Variants in CD46 observed in about 807,000 individuals in gnomAD.
The protein encoded by CD46 is membrane cofactor protein.
A neutral mutation model predicts 53.3 loss-of-function variants in CD46; 30 were observed. The observed-to-expected ratio is 0.56, with a 90% CI of 0.42 to 0.76. The LOEUF is 0.76. CD46 is among the 30% of genes least tolerant of loss of function. The pLI is 0.00. For missense variants in CD46, 409 were observed against 463.0 expected (o/e 0.88, Z 1.07); for synonymous variants, 142 against 152.0 (o/e 0.93, Z 0.48).
chr1:207,781,335 CT>C (rs1437704675), intron 8 of CD46, among the ~76,000 whole-genome samples: 1 of 151,866 alleles, frequency 6.6e-6, no homozygotes, highest in Non-Finnish European at 1.5e-5. Context: ...CTGGATATTA[CT>C]TCCTTATCAA....
At chr1:207,766,173 A>C (rs914268759) in intron 5 of CD46, among the ~76,000 whole-genome samples, 1 of 152,196 alleles carries the variant, frequency 6.6e-6, no homozygotes, top group Non-Finnish European at 1.5e-5. Flanking sequence ...ACAAAAGAGC[A>C]TGAGGAAATT....
chr1:207,787,945 A>G (rs1002456706), intron 11 of CD46, among the ~76,000 whole-genome samples: 14 of 152,094 alleles, frequency 9.2e-5, no homozygotes, highest in Non-Finnish European at 1.3e-4. Context: ...ATTCTGATTC[A>G]TTGGGTTTGG....
chr1:207,757,927 C>T (rs41317055), intron 3 of CD46, among the ~76,000 whole-genome samples: 259 of 152,326 alleles, frequency 1.7e-3, no homozygotes, highest in African/African-American at 6.0e-3. Context: ...AACTGAGTGT[C>T]CCCTATTTAA....
Position 207,767,782 on chromosome 1 carries a change from C to A in CD46, c.860C>A (p.Ser287Ter), listed in dbSNP as rs751860518. 1 of 1,612,436 alleles carries A rather than the reference C, an allele frequency of 6.2e-7. No homozygotes were observed. The highest frequency in any genetic ancestry group is 1.3e-5 in the African/African-American group (1 of 74,864). Residue 287 changes from serine to a stop codon, truncating the protein, a stop_gained, in exon 7 of 13, where the codon TCG becomes TAG. Transcript: ENST00000367042. LOFTEE classifies it high-confidence loss of function. ...ACATTATTATTTTGTTTTCCAGTGT[C>A]GACTTCTTCCACTACAAAATCTCCA... ...DPPVPKCLKVSTSSTTKSPAS... is the reference protein window; with the variant it reads ...DPPVPKCLKV
intron 5 of CD46, among the ~76,000 whole-genome samples, chr1:207,761,859 T>A (rs561633679): frequency 2.0e-4 from 30 of 151,004 alleles, no homozygotes; most frequent in South Asian, 1.3e-3. Flanking sequence ...ATAAAAAAAA[T>A]TTTTTTTTTA....
intron 8 of CD46, among the ~76,000 whole-genome samples, chr1:207,772,456 G>C (rs1057188037): frequency 6.6e-6 from 1 of 152,200 alleles, no homozygotes; most frequent in African/African-American, 2.4e-5. Flanking sequence ...GGAGTGGTGA[G>C]AGAGGGCATC....
At chr1:207,772,930 G>A (rs376598542) in intron 8 of CD46, among the ~76,000 whole-genome samples, 37 of 152,206 alleles carry the variant, frequency 2.4e-4, no homozygotes, top group African/African-American at 7.7e-4. Context: ...GAATTAGGGA[G>A]GATTCCCTCT....
At chr1:207,775,261 A>G (rs528736471) in intron 8 of CD46, among the ~76,000 whole-genome samples, 3 of 152,218 alleles carry the variant, frequency 2.0e-5, no homozygotes, top group African/African-American at 7.2e-5. Context: ...TACACTGTTT[A>G]TTCTAGTTAG....
intron 11 of CD46, among the ~76,000 whole-genome samples, chr1:207,786,244 T>C (rs1659259541): frequency 6.6e-6 from 1 of 152,182 alleles, no homozygotes; most frequent in Non-Finnish European, 1.5e-5. Context: ...GATTTCCCTC[T>C]TATGTTCTCT....
intron 11 of CD46, among the ~76,000 whole-genome samples, chr1:207,786,962 C>T (rs573866366): frequency 6.6e-6 from 1 of 152,310 alleles, no homozygotes; most frequent in South Asian, 2.1e-4. Flanking sequence ...AAGTCGCATT[C>T]TGCTTATTTT....
Position 207,777,912 on chromosome 1 carries a change from A to G in CD46, c.944-5380A>G, listed in dbSNP as rs187835589. Reference sequence around the variant, plus strand: ...TAAATTACACTCCCACGAACAGCATATAAGTGTTCCCTTTTCTCTACAACC... The same window carrying G: ...TAAATTACACTCCCACGAACAGCATGTAAGTGTTCCCTTTTCTCTACAACC... On this transcript the variant is annotated intron_variant, in intron 8 of 12. Transcript: ENST00000367042. Among the ~76,000 whole-genome samples, 111 of 152,308 alleles carry G rather than the reference A, an allele frequency of 7.3e-4. 1 individual carries two copies. The highest frequency in any genetic ancestry group is 1.7e-3 in the South Asian group (8 of 4,830).
At chr1:207,761,495 A>G in intron 5 of CD46, 49 bp downstream of exon 5, 1 of 1,462,628 alleles carries the variant, frequency 6.8e-7, no homozygotes, top group Non-Finnish European at 9.6e-7. Flanking sequence ...CTATGGAAAC[A>G]TTTTGTAAAT....
chr1:207,780,257 A>G (rs1252439052), intron 8 of CD46, among the ~76,000 whole-genome samples: 1 of 152,026 alleles, frequency 6.6e-6, no homozygotes, highest in Non-Finnish European at 1.5e-5. Flanking sequence ...TTATATAATT[A>G]TAATAAGTGG....
At chr1:207,782,060 CAA>C (rs1400406852) in intron 8 of CD46, among the ~76,000 whole-genome samples, 1 of 152,126 alleles carries the variant, frequency 6.6e-6, no homozygotes. Context: ...TCCATAAACA[CAA>C]GTGTCTTTCC....
At chr1:207,760,371 C>T (rs1195569195) in intron 4 of CD46, 1 of 152,132 alleles carries the variant, frequency 6.6e-6, no homozygotes, top group Non-Finnish European at 1.5e-5. Context: ...AATATGTAGC[C>T]TTTGGAAAAA....
At chr1:207,788,720 A>T (rs1432015258) in intron 11 of CD46, among the ~76,000 whole-genome samples, 2 of 152,208 alleles carry the variant, frequency 1.3e-5, no homozygotes, top group African/African-American at 4.8e-5. Flanking sequence ...AATTGTTGTT[A>T]AAGCCTGGCA....
At chr1:207,765,255 T>C (rs969979378) in intron 5 of CD46, among the ~76,000 whole-genome samples, 5 of 152,198 alleles carry the variant, frequency 3.3e-5, no homozygotes, top group African/African-American at 1.2e-4. Flanking sequence ...GAATTCATCA[T>C]CTTATTTTTT....
intron 11 of CD46, among the ~76,000 whole-genome samples, chr1:207,787,987 G>T (rs1033958067): frequency 6.6e-6 from 1 of 152,126 alleles, no homozygotes; most frequent in Non-Finnish European, 1.5e-5. Flanking sequence ...TGTCTAGTGA[G>T]CTCCCAGTGC....
intron 7 of CD46, 182 bp from the exon 8 acceptor site, chr1:207,770,139 C>G: frequency 1.7e-6 from 1 of 598,730 alleles, no homozygotes; most frequent in South Asian, 2.1e-5. Flanking sequence ...CATTCTTGTA[C>G]ATACATCTTA....
Sources: gnomAD v4.1 joint callset for allele counts (sites outside exome capture counted in the v4.1 genomes callset) on GRCh38, gnomAD v4.1.1 for gene constraint, MANE v1.5 for transcripts, NCBI Gene and HGNC (gene_info 2026-07-23, HGNC 2026-07-21) for gene names.